Variants in NUMB observed in about 807,000 individuals in gnomAD.
NUMB encodes protein numb homolog.
Under a neutral mutation model 59.7 loss-of-function variants are expected in NUMB, and 29 were observed. The observed-to-expected ratio is 0.49, with a 90% CI of 0.36 to 0.66. The LOEUF (loss-of-function observed/expected upper bound fraction) is 0.66, where lower values mean the gene tolerates loss of function less well. Ranked by LOEUF, NUMB falls within the 30% of genes least tolerant of loss-of-function variation. The pLI, the probability that NUMB is intolerant of heterozygous loss-of-function variation, is 0.00. For synonymous variants in NUMB, 288 were observed against 288.2 expected (o/e 1.00, Z 0.01); for missense variants, 723 against 822.0 (o/e 0.88, Z 1.47).
intron 2 of NUMB, chr14:73,409,493 G>C (rs1010755883): frequency 2.6e-5 from 4 of 152,338 alleles, no homozygotes; most frequent in African/African-American, 9.7e-5. Context: ...CCAGTTCCCA[G>C]CCACTGAGCC....
At chr14:73,433,235 A>C (rs1459697685) in intron 1 of NUMB, among the ~76,000 whole-genome samples, 3 of 152,016 alleles carry the variant, frequency 2.0e-5, no homozygotes, top group Non-Finnish European at 4.4e-5. Flanking sequence ...CAGTCTGGCC[A>C]ACATGGCAAA....
rs775977720 is a variant in NUMB, at chr14:73,297,193, A to C, written c.309+18T>G. On this transcript the variant is annotated intron_variant, in intron 7 of 12. Coordinates refer to ENST00000555238, the MANE Select transcript of NUMB (RefSeq NM_001005743.2). ...CAAAAAAAATAAAATAAATCAAAAT[A>C]AAAATAAAGAATCTTACCTTAGTTT... is the stretch of plus-strand genomic sequence containing the variant. 7.2e-5 allele frequency: 109 copies of C among 1,506,544 alleles called. 2 individuals carry two copies. The highest frequency in any genetic ancestry group is 4.4e-4 in the South Asian group (38 of 86,240). 93.3% of individuals were successfully genotyped at this position (1,506,544 alleles called of 1,614,324 possible).
chr14:73,396,324 GTGTGTGT>G (rs1896134067), intron 2 of NUMB, among the ~76,000 whole-genome samples: 2 of 41,366 alleles, frequency 4.8e-5, no homozygotes, highest in African/African-American at 3.0e-4. Flanking sequence ...TATTAGGGGT[GTGTGTGT>G]GTGTGTGTGT....
chr14:73,452,206 A>G (rs1884033508), intron 1 of NUMB, among the ~76,000 whole-genome samples: 1 of 152,164 alleles, frequency 6.6e-6, no homozygotes. Context: ...CTAAAAATGC[A>G]AAAATTAGCG....
At chr14:73,283,260 C>T (rs1888753122) in intron 10 of NUMB, among the ~76,000 whole-genome samples, 2 of 152,130 alleles carry the variant, frequency 1.3e-5, no homozygotes, top group East Asian at 1.9e-4. Context: ...CTGAAAAGAC[C>T]CTCCGTAATC....
At chr14:73,297,404 C>T in intron 6 of NUMB, 119 bp from the exon 7 acceptor site, 1 of 678,584 alleles carries the variant, frequency 1.5e-6, no homozygotes, top group Admixed American at 2.4e-5. Flanking sequence ...AGATGGAGTC[C>T]AAGTTCAGGA....
At position 73,276,303 on chromosome 14, in the gene NUMB, A is replaced by G. The variant is rs570086899; in HGVS notation, c.*275T>C. On this transcript the variant is annotated 3_prime_UTR_variant, in exon 13 of 13. Transcript: ENST00000555238. Reference sequence around the variant, plus strand: ...TCAGATACTTTGCCTCTCTGTTGCCAGAGATTTGTAAGGGGGTAAGGGAAG... The same window carrying G: ...TCAGATACTTTGCCTCTCTGTTGCCGGAGATTTGTAAGGGGGTAAGGGAAG... The G allele has an allele frequency of 1.9e-5, 7 of 359,058 alleles. No homozygotes were observed. Among genetic ancestry groups the G allele is most frequent in the Non-Finnish European group, 3.0e-5 (6 of 196,966 alleles). The allele number at this position is 359,058 out of a possible 1,614,324, so 22.2% of individuals were successfully genotyped here. A position where few individuals can be genotyped will look rare whatever the true frequency, so the allele number is the denominator to read the frequency against.
intron 4 of NUMB, 123 bp downstream of exon 4, chr14:73,355,503 G>T: frequency 4.2e-6 from 3 of 713,282 alleles, no homozygotes; most frequent in Non-Finnish European, 6.3e-6. Flanking sequence ...TATCATTGAA[G>T]CAGAATGTGA....
At chr14:73,291,140 G>A (rs1233295266) in intron 8 of NUMB, among the ~76,000 whole-genome samples, 1 of 151,732 alleles carries the variant, frequency 6.6e-6, no homozygotes, top group Non-Finnish European at 1.5e-5. Context: ...CAGTGCAGTG[G>A]TGCAATCTTG....
At chr14:73,377,982 T>C (rs1895040063) in intron 2 of NUMB, among the ~76,000 whole-genome samples, 1 of 136,732 alleles carries the variant, frequency 7.3e-6, no homozygotes, top group Non-Finnish European at 1.5e-5. Flanking sequence ...CATATAGATA[T>C]ATATATACAC....
intron 1 of NUMB, among the ~76,000 whole-genome samples, chr14:73,414,820 C>T (rs566956119): frequency 6.9e-4 from 105 of 152,006 alleles, no homozygotes; most frequent in African/African-American, 2.1e-3. Context: ...CCCGGGTTCA[C>T]GCTATTCTCC....
intron 2 of NUMB, among the ~76,000 whole-genome samples, chr14:73,384,734 T>TTTGG (rs1895413769): frequency 7.5e-6 from 1 of 133,116 alleles, no homozygotes; most frequent in Admixed American, 8.4e-5. Flanking sequence ...CGCCTGGCTT[T>TTTGG]TTTGTTTGTT....
At chr14:73,337,856 T>G (rs1224892584) in intron 4 of NUMB, among the ~76,000 whole-genome samples, 3 of 152,178 alleles carry the variant, frequency 2.0e-5, no homozygotes, top group African/African-American at 7.2e-5. Flanking sequence ...AAATTATATT[T>G]AAAAATTTAC....
chr14:73,336,641 A>T (rs528008472), intron 4 of NUMB, among the ~76,000 whole-genome samples: 26 of 152,292 alleles, frequency 1.7e-4, no homozygotes, highest in African/African-American at 6.0e-4. Context: ...TAGGAATGGA[A>T]GTAAATCAGA....
At position 73,401,373 on chromosome 14, in the gene NUMB, T is replaced by C. The variant is rs1394189543; in HGVS notation, c.-101+8564A>G. On this transcript the variant is annotated intron_variant, in intron 2 of 12. Transcript: ENST00000555238. ...CTCAATTTTGCTATAAACCTGAAAC[T>C]GTTCTAAAAAAATTAAGTCTTCCAA... is the stretch of plus-strand genomic sequence containing the variant. Among the ~76,000 whole-genome samples, 7 of 151,178 alleles carry C rather than the reference T, an allele frequency of 4.6e-5. No individual in the cohort carries two copies. The South Asian group carries it at 1.3e-3, about 27-fold the overall frequency.
At chr14:73,349,529 G>A (rs1893091964) in intron 4 of NUMB, among the ~76,000 whole-genome samples, 2 of 149,024 alleles carry the variant, frequency 1.3e-5, no homozygotes, top group South Asian at 4.2e-4. Context: ...AGCCGAGATC[G>A]TGCCATTGCA....
At chr14:73,286,015 C>CAT (rs1192848861) in intron 9 of NUMB, among the ~76,000 whole-genome samples, 43 of 149,880 alleles carry the variant, frequency 2.9e-4, no homozygotes, top group African/African-American at 7.6e-4. Context: ...AAAAAATTAT[C>CAT]ATATATATAT....
chr14:73,299,277 C>A (rs1036654779), intron 6 of NUMB: 1 of 152,074 alleles, frequency 6.6e-6, no homozygotes, highest in Non-Finnish European at 1.5e-5. Context: ...GGACTTTGAT[C>A]TTGATTCTAT....
chr14:73,386,299 T>C (rs897057399), intron 2 of NUMB, among the ~76,000 whole-genome samples: 1 of 152,194 alleles, frequency 6.6e-6, no homozygotes, highest in Non-Finnish European at 1.5e-5. Context: ...GCAACAGATA[T>C]ATAGCTTTTA....
Sources: gnomAD v4.1 joint callset for allele counts (sites outside exome capture counted in the v4.1 genomes callset) on GRCh38, gnomAD v4.1.1 for gene constraint, MANE v1.5 for transcripts, NCBI Gene and HGNC (gene_info 2026-07-23, HGNC 2026-07-21) for gene names.